The following EXPH5 variants were observed in gnomAD, a reference collection of about 807,000 sequenced individuals.
EXPH5 encodes the protein exophilin 5, also known as exophilin-5.
A neutral mutation model predicts 41.1 loss-of-function variants in EXPH5; 42 were observed. That is an observed-to-expected ratio of 1.02 (90% CI 0.80 to 1.32). EXPH5 has a LOEUF of 1.32. Among genes scored for constraint, EXPH5 ranks in the 40% most tolerant of loss-of-function variants. The probability of loss-of-function intolerance (pLI) is 0.00; values close to 1 mark genes in which losing one functional copy is unlikely to be tolerated. For synonymous variants in EXPH5, 798 were observed against 833.5 expected, an observed-to-expected ratio of 0.96 and a Z score of 0.73; for missense variants, 2,298 against 2,314.5, an observed-to-expected ratio of 0.99 and a Z score of 0.15.
rs2093650565 is a variant in EXPH5, at chr11:108,507,490, T to C, written c.*2047A>G. 6.6e-6 allele frequency: 1 copy of C among 152,190 alleles called. No individual in the cohort carries two copies. The highest frequency in any genetic ancestry group is 2.1e-4 in the South Asian group (1 of 4,834). 9.4% of individuals were successfully genotyped at this position (152,190 alleles called of 1,614,324 possible). A position where few individuals can be genotyped will look rare whatever the true frequency, so the allele number is the denominator to read the frequency against. ...TAAAATCCACTCATGTTGACTATCATAGTATTGAGATCCAGGAATCCATGC... is the reference window on the plus strand; with the variant it reads ...TAAAATCCACTCATGTTGACTATCACAGTATTGAGATCCAGGAATCCATGC... On this transcript the variant is annotated 3_prime_UTR_variant, in exon 6 of 6. Transcript: ENST00000265843.
upstream of EXPH5, chr11:108,593,866 G>T: frequency 1.2e-6 from 1 of 859,754 alleles, no homozygotes; most frequent in South Asian, 1.5e-5. Context: ...CCCGTCCCTC[G>T]TCCCCTCCCT....
intron 1 of EXPH5, among the ~76,000 whole-genome samples, chr11:108,568,463 T>A (rs2094045130): frequency 6.6e-6 from 1 of 152,066 alleles, no homozygotes; most frequent in Non-Finnish European, 1.5e-5. Context: ...AGGAACAAGT[T>A]CCAAGTTCTC....
Position 108,510,444 on chromosome 11 carries a change from C to T in EXPH5, c.5063G>A (p.Ser1688Asn), listed in dbSNP as rs1229693145. ...TGAAATGCTGTTAGACTTCTGGTTG[C>T]TGACGTGTGTAGAAGGTTCTCTGTT... ...LPNREPSTHV[S>N]NQKSNSISQR... is the part of the protein sequence containing the mutation. The change falls in exon 6 of 6, where the codon AGC becomes AAC. Residue 1688 changes from serine to asparagine, a missense_variant. Transcript: ENST00000265843. 3.7e-6 allele frequency: 6 copies of T among 1,613,892 alleles called. No individual in the cohort carries two copies. The highest frequency in any genetic ancestry group is 5.1e-6 in the Non-Finnish European group (6 of 1,179,994).
At chr11:108,593,117 C>G (rs1434333571) in intron 1 of EXPH5, among the ~76,000 whole-genome samples, 2 of 152,240 alleles carry the variant, frequency 1.3e-5, no homozygotes, top group East Asian at 3.9e-4. Context: ...AGCAGACACC[C>G]GGCACAGCAC....
rs1323165184 is a variant in EXPH5 at position 108,513,718 on chromosome 11, A to G, written c.1789T>C (p.Leu597=). 5 of 1,612,494 alleles carry G rather than the reference A, an allele frequency of 3.1e-6. No individual in the cohort carries two copies. Among genetic ancestry groups the G allele is most frequent in the South Asian group, 2.2e-5 (2 of 90,626 alleles). ...GSSYHVKSSE[L]VSQQDSSPVE... ...GGAGAACTGTCCTGTTGACTTACCA[A>G]CTCACTAGATTTGACGTGATAGCTT... is the stretch of plus-strand genomic sequence containing the variant. The change falls in exon 6 of 6, where the codon TTG becomes CTG. Residue 597 remains leucine (L), a synonymous_variant. Transcript: ENST00000265843.
Position 108,521,242 on chromosome 11 carries a change from A to C in EXPH5, c.493-2869T>G, listed in dbSNP as rs547340790. On this transcript the variant is annotated intron_variant, in intron 4 of 5. Transcript: ENST00000265843. The stretch of plus-strand genomic sequence containing the variant: ...CATGTCGATCCTTTCCAAAGCTCCA[A>C]CTTCTTAATTTCTCCATAACAGGTC... 2.4e-4 allele frequency among the ~76,000 whole-genome samples: 37 copies of C among 152,178 alleles called. No individual in the cohort carries two copies. The South Asian group carries it at 3.9e-3, about 16-fold the overall frequency.
At chr11:108,518,834 G>T (rs2093745144) in intron 4 of EXPH5, among the ~76,000 whole-genome samples, 1 of 152,102 alleles carries the variant, frequency 6.6e-6, no homozygotes. Flanking sequence ...TAACGAAGCC[G>T]GCTAAAACCC....
intron 1 of EXPH5, among the ~76,000 whole-genome samples, chr11:108,574,630 T>C (rs1447378529): frequency 6.6e-6 from 1 of 152,214 alleles, no homozygotes. Context: ...GTTGTCAACA[T>C]CAGAGTGTTC....
chr11:108,599,606 T>C, the EXPH5 span, among the ~76,000 whole-genome samples: 2 of 152,378 alleles, frequency 1.3e-5, no homozygotes, highest in South Asian at 2.1e-4. Context: ...AGTTTTTATG[T>C]TACTTCAATA....
chr11:108,604,590 T>G, the EXPH5 span, among the ~76,000 whole-genome samples: 3 of 152,196 alleles, frequency 2.0e-5, no homozygotes, highest in African/African-American at 7.2e-5. Context: ...CTTACCCCTT[T>G]TCTATAAGTA....
chr11:108,532,001 C>T (rs746792014), intron 3 of EXPH5, among the ~76,000 whole-genome samples: 1 of 152,066 alleles, frequency 6.6e-6, no homozygotes, highest in Non-Finnish European at 1.5e-5. Context: ...CCAATCCAAT[C>T]AATCCTTTAT....
At chr11:108,584,510 G>A (rs546059145) in intron 1 of EXPH5, among the ~76,000 whole-genome samples, 1 of 151,834 alleles carries the variant, frequency 6.6e-6, no homozygotes, top group African/African-American at 2.4e-5. Context: ...CATACTACTT[G>A]ACGTTAAGAC....
intron 1 of EXPH5, among the ~76,000 whole-genome samples, chr11:108,576,447 A>G (rs1249423288): frequency 6.6e-6 from 1 of 152,140 alleles, no homozygotes. Flanking sequence ...GTTGATGAAA[A>G]TGTTTTGGTA....
chr11:108,528,886 A>G (rs1347481234), intron 3 of EXPH5, among the ~76,000 whole-genome samples: 2 of 151,578 alleles, frequency 1.3e-5, no homozygotes, highest in Non-Finnish European at 2.9e-5. Context: ...TATTTTTAGT[A>G]GAGATGGGTT....
chr11:108,566,853 C>T (rs1399966105), intron 1 of EXPH5, among the ~76,000 whole-genome samples: 1 of 152,136 alleles, frequency 6.6e-6, no homozygotes, highest in Non-Finnish European at 1.5e-5. Context: ...CTAAAGATTT[C>T]CTTTTGTGGT....
chr11:108,600,599 G>A, the EXPH5 span, among the ~76,000 whole-genome samples: 1 of 152,054 alleles, frequency 6.6e-6, no homozygotes, highest in Non-Finnish European at 1.5e-5. Flanking sequence ...GTGTCTGGGT[G>A]GAAGACTTTA....
chr11:108,581,684 T>C (rs1489334920), intron 1 of EXPH5, among the ~76,000 whole-genome samples: 6 of 151,290 alleles, frequency 4.0e-5, no homozygotes, highest in Non-Finnish European at 8.9e-5. Context: ...ACAAAAACAA[T>C]AAAGAAAAAT....
chr11:108,607,048 G>A, the EXPH5 span, among the ~76,000 whole-genome samples: 2 of 152,116 alleles, frequency 1.3e-5, no homozygotes, highest in East Asian at 1.9e-4. Context: ...ATAGGAATCC[G>A]AGAACAAACA....
rs754481316 is a variant in EXPH5 at position 108,511,829 on chromosome 11, T to C, written c.3678A>G (p.Leu1226=). The C allele has an allele frequency of 6.3e-7, 1 of 1,595,962 alleles. No individual in the cohort carries two copies. Among genetic ancestry groups the C allele is most frequent in the Non-Finnish European group, 8.5e-7 (1 of 1,175,074 alleles). Reference sequence around the variant, plus strand: ...ACGTACTAGTCGTCTTAACTTTATGTAATGTTTTCCCACGTTCTTTTCCTG... The same window carrying C: ...ACGTACTAGTCGTCTTAACTTTATGCAATGTTTTCCCACGTTCTTTTCCTG... ...DLSGKERGKT[L]HKVKTTSTFS... Residue 1226 remains leucine (L), a synonymous_variant, in exon 6 of 6, where the codon TTA becomes TTG. Coordinates refer to ENST00000265843, the MANE Select transcript of EXPH5 (RefSeq NM_015065.3).
Sources: gnomAD v4.1 joint callset for allele counts (sites outside exome capture counted in the v4.1 genomes callset) on GRCh38, gnomAD v4.1.1 for gene constraint, MANE v1.5 for transcripts, NCBI Gene and HGNC (gene_info 2026-07-23, HGNC 2026-07-21) for gene names.